The following PAG1 variants were observed in gnomAD, a reference collection of about 807,000 sequenced individuals.
PAG1 encodes the protein phosphoprotein associated with glycosphingolipid-enriched microdomains 1.
A neutral mutation model predicts 31.7 loss-of-function variants in PAG1; 23 were observed. The observed-to-expected ratio is 0.73, with a 90% CI of 0.52 to 1.03. The LOEUF (loss-of-function observed/expected upper bound fraction) is 1.03. Among genes scored for constraint, PAG1 ranks in the 50% least tolerant of loss-of-function variants. The pLI, the probability that PAG1 is intolerant of heterozygous loss-of-function variation, is 0.00. For synonymous variants in PAG1, 214 were observed against 210.3 expected, an observed-to-expected ratio of 1.02 and a Z score of -0.15; for missense variants, 473 against 540.7, an observed-to-expected ratio of 0.87 and a Z score of 1.24.
chr8:80,970,506 T>G lies in PAG1; in HGVS notation c.*6038A>C, dbSNP rs1031619563. ...GGTAACTATGGGTCTGGTGTTGTCA[T>G]AAGGATCTACCTTCCACATGCTGGA... On this transcript the variant is annotated 3_prime_UTR_variant, in exon 9 of 9. Coordinates refer to ENST00000220597, the MANE Select transcript of PAG1 (RefSeq NM_018440.4). 4 of 152,726 alleles carry G rather than the reference T, an allele frequency of 2.6e-5. No homozygotes were observed. The highest frequency in any genetic ancestry group is 9.7e-5 in the African/African-American group (4 of 41,446). 9.5% of individuals were successfully genotyped at this position (152,726 alleles called of 1,614,324 possible). A position where few individuals can be genotyped will look rare whatever the true frequency, so the allele number is the denominator to read the frequency against.
intron 3 of PAG1, among the ~76,000 whole-genome samples, chr8:80,994,405 A>G (rs761479807): frequency 1.3e-5 from 2 of 152,228 alleles, no homozygotes; most frequent in African/African-American, 2.4e-5. Context: ...TCTACCTAGT[A>G]CATTTCCGTA....
chr8:80,989,003 G>A (rs936431492), intron 5 of PAG1, among the ~76,000 whole-genome samples: 1 of 152,178 alleles, frequency 6.6e-6, no homozygotes, highest in African/African-American at 2.4e-5. Flanking sequence ...CAGCCTGCAC[G>A]TTCCAAGAGG....
intron 2 of PAG1, among the ~76,000 whole-genome samples, chr8:81,034,319 T>TA (rs1328300576): frequency 6.6e-6 from 1 of 152,266 alleles, no homozygotes; most frequent in Non-Finnish European, 1.5e-5. Context: ...GAATTCATTT[T>TA]AAAAAAATCA....
intron 4 of PAG1, among the ~76,000 whole-genome samples, chr8:80,992,823 G>A (rs1807579365): frequency 1.3e-5 from 2 of 152,292 alleles, no homozygotes; most frequent in South Asian, 4.1e-4. Flanking sequence ...TTTTGACAAG[G>A]GTGTGATCGA....
intron 3 of PAG1, among the ~76,000 whole-genome samples, chr8:80,994,446 C>T (rs1807629949): frequency 6.6e-6 from 1 of 152,216 alleles, no homozygotes; most frequent in Admixed American, 6.5e-5. Context: ...CTGCTAAATG[C>T]TTTCCTCATT....
intron 2 of PAG1, among the ~76,000 whole-genome samples, chr8:81,053,724 G>A (rs1028514540): frequency 6.6e-6 from 1 of 152,194 alleles, no homozygotes; most frequent in African/African-American, 2.4e-5. Flanking sequence ...GTCAGGAAGA[G>A]GAACTGATTT....
chr8:81,077,629 T>C (rs1427367853), intron 1 of PAG1, among the ~76,000 whole-genome samples: 3 of 152,260 alleles, frequency 2.0e-5, no homozygotes, highest in Admixed American at 2.0e-4. Flanking sequence ...AACTAAGTTT[T>C]TTTTTCGCAT....
chr8:81,102,796 A>C (rs1371193628), intron 1 of PAG1, among the ~76,000 whole-genome samples: 1 of 152,220 alleles, frequency 6.6e-6, no homozygotes, highest in Non-Finnish European at 1.5e-5. Context: ...CCGAAGACAA[A>C]TGCTTTAACA....
rs761000694 is a variant in PAG1, at chr8:80,985,312, C to T, written c.340G>A (p.Asp114Asn). The change falls in exon 7 of 9, where the codon GAT becomes AAT. Residue 114 changes from aspartate to asparagine, a missense_variant. Asp to Asn is a conservative substitution (Grantham distance 23). Transcript: ENST00000220597. Reference protein sequence around the residue: ...HYEEVQTSASDLLDSQDSTGK... With the variant: ...HYEEVQTSASNLLDSQDSTGK... ...GTGCTGTCCTGGGAATCCAGCAGAT[C>T]CGAGGCCGATGTCTGGACTTCCTCG... is the stretch of plus-strand genomic sequence containing the variant. The T allele has an allele frequency of 2.5e-6, 4 of 1,614,008 alleles. No individual in the cohort carries two copies. The highest frequency in any genetic ancestry group is 3.4e-6 in the Non-Finnish European group (4 of 1,180,024).
chr8:81,078,027 G>A (rs907035622), intron 1 of PAG1, among the ~76,000 whole-genome samples: 1 of 152,162 alleles, frequency 6.6e-6, no homozygotes, highest in African/African-American at 2.4e-5. Context: ...TATTATTTCC[G>A]ACATGGCCAT....
intron 1 of PAG1, among the ~76,000 whole-genome samples, chr8:81,088,812 T>C (rs535106352): frequency 1.3e-5 from 2 of 152,322 alleles, no homozygotes; most frequent in East Asian, 3.9e-4. Flanking sequence ...TTATGGAAAA[T>C]ATCAAAGTGA....
In PAG1 at chr8:81,053,652, G is replaced by A. The variant is rs138039630; in HGVS notation, c.-175+16460C>T. ...CAGCCCTTTTGAAGACATCAGGCAT[G>A]AGCAATAAAAAGGGGAGATACACCT... is the stretch of plus-strand genomic sequence containing the variant. On this transcript the variant is annotated intron_variant, in intron 2 of 8. Coordinates refer to ENST00000220597, the MANE Select transcript of PAG1 (RefSeq NM_018440.4). Among the ~76,000 whole-genome samples the A allele has an allele frequency of 4.5e-3, 683 of 152,328 alleles. 6 individuals carry two copies. Among genetic ancestry groups the A allele is most frequent in the African/African-American group, 0.015 (640 of 41,572 alleles).
intron 3 of PAG1, among the ~76,000 whole-genome samples, chr8:81,007,652 AAAAAAAAAG>A (rs1807909860): frequency 6.6e-6 from 1 of 150,696 alleles, no homozygotes. Context: ...AAAAAAAAAA[AAAAAAAAAG>A]AACTTAAAAA....
At position 80,971,630 on chromosome 8, in the gene PAG1, A is replaced by C. The variant is rs1260649493; in HGVS notation, c.*4914T>G. On this transcript the variant is annotated 3_prime_UTR_variant, in exon 9 of 9. Transcript: ENST00000220597. ...AGTATATAACTGGCAAGCCAAAAAAACTTCCTGTATTAACAGAAATGATTA... is the reference window on the plus strand; with the variant it reads ...AGTATATAACTGGCAAGCCAAAAAACCTTCCTGTATTAACAGAAATGATTA... 2 of 152,256 alleles carry C rather than the reference A, an allele frequency of 1.3e-5. No individual in the cohort carries two copies. Among genetic ancestry groups the C allele is most frequent in the African/African-American group, 4.8e-5 (2 of 41,472 alleles). The allele number at this position is 152,256 out of a possible 1,614,324, so 9.4% of individuals were successfully genotyped here.
At chr8:81,067,024 T>C (rs1006585256) in intron 2 of PAG1, among the ~76,000 whole-genome samples, 2 of 152,036 alleles carry the variant, frequency 1.3e-5, no homozygotes, top group African/African-American at 4.8e-5. Flanking sequence ...TAGCCAGGCA[T>C]GGTGGCACGT....
At chr8:81,085,173 G>A (rs982600551) in intron 1 of PAG1, among the ~76,000 whole-genome samples, 3 of 152,276 alleles carry the variant, frequency 2.0e-5, no homozygotes, top group East Asian at 1.9e-4. Flanking sequence ...AGCAAATGGC[G>A]ATTCCTCCGG....
chr8:81,072,550 C>A (rs185292688), intron 1 of PAG1, among the ~76,000 whole-genome samples: 1 of 152,290 alleles, frequency 6.6e-6, no homozygotes, highest in East Asian at 1.9e-4. Context: ...CTTATTAAAA[C>A]ACAATAATTT....
chr8:81,042,923 A>G (rs1327587109), intron 2 of PAG1, among the ~76,000 whole-genome samples: 3 of 152,152 alleles, frequency 2.0e-5, no homozygotes, highest in African/African-American at 7.2e-5. Context: ...ATCTCACGGC[A>G]CTGTTTCTCC....
chr8:81,021,446 G>C (rs1383233073), intron 3 of PAG1, among the ~76,000 whole-genome samples: 1 of 146,302 alleles, frequency 6.8e-6, no homozygotes, highest in Admixed American at 7.0e-5. Flanking sequence ...TTTGGTTCCA[G>C]GATCCCATCT....
Sources: gnomAD v4.1 joint callset for allele counts (sites outside exome capture counted in the v4.1 genomes callset) on GRCh38, gnomAD v4.1.1 for gene constraint, MANE v1.5 for transcripts, NCBI Gene and HGNC (gene_info 2026-07-23, HGNC 2026-07-21) for gene names.